Variants in CCN6 observed in about 807,000 individuals in gnomAD.
CCN6 encodes cellular communication network factor 6.
Under a neutral mutation model 37.4 loss-of-function variants are expected in CCN6, and 31 were observed. The observed-to-expected ratio is 0.83, with a 90% CI of 0.62 to 1.12. The LOEUF (loss-of-function observed/expected upper bound fraction) is 1.12, where lower values mean the gene tolerates loss of function less well. CCN6 is among the 50% of genes most tolerant of loss of function. The pLI is 0.00. For missense variants in CCN6, 369 were observed against 413.8 expected, an observed-to-expected ratio of 0.89 and a Z score of 0.94; for synonymous variants, 137 against 142.1, an observed-to-expected ratio of 0.96 and a Z score of 0.26.
Position 112,069,570 on chromosome 6 carries a change from A to G in CCN6, c.1015A>G (p.Arg339Gly), listed in dbSNP as rs936443665. 2 of 1,613,774 alleles carry G rather than the reference A, an allele frequency of 1.2e-6. No homozygotes were observed. Among genetic ancestry groups the G allele is most frequent in the Non-Finnish European group, 1.7e-6 (2 of 1,179,818 alleles). ...MLWITSCVCQ[R>G]NCREPGDIFS... is the part of the protein sequence containing the mutation. The stretch of plus-strand genomic sequence containing the variant: ...GTGGATTACATCTTGTGTGTGTCAG[A>G]GAAACTGCAGAGAACCTGGAGATAT... Residue 339 changes from arginine to glycine, a missense_variant, in exon 5 of 5, where the codon AGA (arginine) becomes GGA (glycine). By Grantham distance (125) the Arg-to-Gly change is moderately radical (BLOSUM62 -2). Coordinates refer to ENST00000368666, the MANE Select transcript of CCN6 (RefSeq NM_198239.2).
intron 1 of CCN6, chr6:112,054,799 C>A: frequency 4.6e-6 from 1 of 219,310 alleles, no homozygotes; most frequent in Non-Finnish European, 9.2e-6. Flanking sequence ...CAAAGAGCCC[C>A]TGGAAAAACG....
At chr6:112,054,893 T>C (rs1332256554) in intron 1 of CCN6, 1 of 195,268 alleles carries the variant, frequency 5.1e-6, no homozygotes, top group African/African-American at 2.4e-5. Context: ...TTTTAAAACA[T>C]TCTCTTACTT....
At chr6:112,057,465 T>C (rs1554311967) in intron 1 of CCN6, among the ~76,000 whole-genome samples, 1 of 152,200 alleles carries the variant, frequency 6.6e-6, no homozygotes, top group Non-Finnish European at 1.5e-5. Flanking sequence ...CATCTAGTTC[T>C]GGGAAGACGA....
intron 1 of CCN6, 94 bp downstream of exon 1, chr6:112,054,499 A>C: frequency 8.2e-7 from 1 of 1,214,442 alleles, no homozygotes; most frequent in Non-Finnish European, 1.2e-6. Flanking sequence ...ATGGAGGAAG[A>C]GGGAGGATCA....
upstream of CCN6, among the ~76,000 whole-genome samples, chr6:112,053,912 G>C (rs1351657764): frequency 6.6e-6 from 1 of 152,118 alleles, no homozygotes; most frequent in Non-Finnish European, 1.5e-5. Context: ...AGCTGGAGAA[G>C]GAAGCAGCCT....
upstream of CCN6, among the ~76,000 whole-genome samples, chr6:112,053,140 C>A (rs1199495974): frequency 6.6e-6 from 1 of 152,028 alleles, no homozygotes; most frequent in Non-Finnish European, 1.5e-5. Flanking sequence ...AGCACCACGG[C>A]AGCTGCAAAT....
chr6:112,065,386 A>G (rs782246652), intron 3 of CCN6, among the ~76,000 whole-genome samples: 42 of 152,088 alleles, frequency 2.8e-4, no homozygotes, highest in Admixed American at 6.5e-4. Context: ...CACTTCCCCA[A>G]ATTTTAAAAG....
chr6:112,054,510 A>G lies in CCN6; in HGVS notation c.48+105A>G, dbSNP rs190382476. Reference sequence around the variant, plus strand: ...GAAGATGGAGGAAGAGGGAGGATCAATGGCTTGTGGAACTACTTCATGAGA... The same window carrying G: ...GAAGATGGAGGAAGAGGGAGGATCAGTGGCTTGTGGAACTACTTCATGAGA... On this transcript the variant is annotated intron_variant, in intron 1 of 4. Transcript: ENST00000368666. 18 of 1,104,258 alleles carry G rather than the reference A, an allele frequency of 1.6e-5. No individual in the cohort carries two copies. The African/African-American group carries it at 2.1e-4, about 13-fold the overall frequency. 68.4% of individuals were successfully genotyped at this position (1,104,258 alleles called of 1,614,324 possible). A position where few individuals can be genotyped will look rare whatever the true frequency, so the allele number is the denominator to read the frequency against.
At chr6:112,052,893 T>C (rs781967830), upstream of CCN6, among the ~76,000 whole-genome samples, 2 of 152,200 alleles carry the variant, frequency 1.3e-5, no homozygotes, top group Non-Finnish European at 2.9e-5. Flanking sequence ...GGACACCAGA[T>C]TCTCTGTGGT....
At chr6:112,068,168 A>G (rs1776755210) in intron 3 of CCN6, 37 bp from the exon 4 acceptor site, 2 of 1,458,934 alleles carry the variant, frequency 1.4e-6, no homozygotes, top group South Asian at 1.3e-5. Flanking sequence ...AAGTACATTT[A>G]TATGTATACA....
At chr6:112,068,150 A>G (rs1776754119) in intron 3 of CCN6, 55 bp from the exon 4 acceptor site, 2 of 1,349,126 alleles carry the variant, frequency 1.5e-6, no homozygotes, top group Non-Finnish European at 2.0e-6. Context: ...AAAATTATCT[A>G]TTTATACAAG....
intron 1 of CCN6, among the ~76,000 whole-genome samples, chr6:112,055,944 T>G (rs781980755): frequency 6.6e-6 from 1 of 152,168 alleles, no homozygotes; most frequent in Non-Finnish European, 1.5e-5. Context: ...AAGGTGGTCA[T>G]TATTAATCCC....
intron 1 of CCN6, among the ~76,000 whole-genome samples, chr6:112,055,460 G>T (rs782228135): frequency 6.6e-6 from 1 of 152,082 alleles, no homozygotes; most frequent in Non-Finnish European, 1.5e-5. Context: ...CACAAAGAGC[G>T]GTAAAAATGG....
Position 112,067,375 on chromosome 6 carries a change from TAAG to T in CCN6, c.590-823_590-821del, listed in dbSNP as rs587615009. ...ATGAGCCAAGGGCCTGATTCATTTA[TAAG>T]AAGAAGCTCCCAGTGACCTTACATG... On this transcript the variant is annotated intron_variant, in intron 3 of 4. Coordinates refer to ENST00000368666, the MANE Select transcript of CCN6 (RefSeq NM_198239.2). Among the ~76,000 whole-genome samples, 317 of 152,262 alleles carry T rather than the reference TAAG, an allele frequency of 2.1e-3. 1 individual carries two copies. The highest frequency in any genetic ancestry group is 7.2e-3 in the African/African-American group (301 of 41,580).
intron 1 of CCN6, among the ~76,000 whole-genome samples, chr6:112,058,470 T>TA (rs1554312196): frequency 2.0e-5 from 3 of 152,226 alleles, no homozygotes; most frequent in Admixed American, 2.0e-4. Context: ...GGTGGTATAC[T>TA]CACAAACAAA....
chr6:112,059,449 G>A (rs151005526), intron 1 of CCN6, among the ~76,000 whole-genome samples: 6 of 152,208 alleles, frequency 3.9e-5, no homozygotes, highest in African/African-American at 1.4e-4. Flanking sequence ...TGGCTTCCTT[G>A]GACCATGACC....
At position 112,061,029 on chromosome 6, in the gene CCN6, A is replaced by G; in HGVS notation, c.87A>G (p.Thr29=). The stretch of plus-strand genomic sequence containing the variant: ...TACAGGGCACTGGACCATTAGATAC[A>G]ACACCTGAAGGAAGGCCTGGAGAAG... The part of the protein sequence containing the change: ...CRVQGTGPLD[T]TPEGRPGEVS... The change falls in exon 2 of 5, where the codon ACA becomes ACG. Residue 29 remains threonine (T), a synonymous_variant. Transcript: ENST00000368666. 1 of 1,614,180 alleles carries G rather than the reference A, an allele frequency of 6.2e-7. No homozygotes were observed. The highest frequency in any genetic ancestry group is 1.1e-5 in the South Asian group (1 of 91,082).
At position 112,054,381 on chromosome 6, in the gene CCN6, T is replaced by G. The variant is rs1554311381; in HGVS notation, c.24T>G (p.Thr8=). Residue 8 remains threonine, a synonymous_variant, in exon 1 of 5, where the codon ACT becomes ACG. Coordinates refer to ENST00000368666, the MANE Select transcript of CCN6 (RefSeq NM_198239.2). The part of the protein sequence containing the change: MQGLLFS[T]LLLAGLAQFC... ...ACATGCAGGGGCTCCTCTTCTCCACTCTTCTGCTTGCTGGCCTGGCACAGG... is the reference window on the plus strand; with the variant it reads ...ACATGCAGGGGCTCCTCTTCTCCACGCTTCTGCTTGCTGGCCTGGCACAGG... 6.2e-7 allele frequency: 1 copy of G among 1,613,776 alleles called. No individual in the cohort carries two copies. Among genetic ancestry groups the G allele is most frequent in the Admixed American group, 1.7e-5 (1 of 59,996 alleles).
intron 3 of CCN6, among the ~76,000 whole-genome samples, chr6:112,065,660 A>G (rs1776676140): frequency 6.6e-6 from 1 of 151,858 alleles, no homozygotes; most frequent in Non-Finnish European, 1.5e-5. Flanking sequence ...ACACATGCAC[A>G]CACACAGGCA....
Sources: allele counts gnomAD v4.1 joint callset (sites outside exome capture counted in the v4.1 genomes callset), GRCh38; gene constraint gnomAD v4.1.1; transcripts MANE v1.5; gene names NCBI Gene and HGNC (gene_info 2026-07-23, HGNC 2026-07-21).